CDH19: variants seen among roughly 807,000 people sequenced by gnomAD.
CDH19 encodes the protein cadherin-19.
In CDH19, 67 loss-of-function variants were observed where a neutral mutation model predicts 64.2. The ratio of observed to expected loss-of-function variants is 1.04; its 90% confidence interval spans 0.86 to 1.28. CDH19 has a LOEUF of 1.28. Among genes scored for constraint, CDH19 ranks in the 50% most tolerant of loss-of-function variants. The pLI, the probability that CDH19 is intolerant of heterozygous loss-of-function variation, is 0.00. For synonymous variants in CDH19, 346 were observed against 319.3 expected, an observed-to-expected ratio of 1.08 and a Z score of -0.89; for missense variants, 1,030 against 929.0, an observed-to-expected ratio of 1.11 and a Z score of -1.41.
intron 9 of CDH19, among the ~76,000 whole-genome samples, chr18:66,525,216 C>A (rs1407449626): frequency 6.6e-6 from 1 of 151,990 alleles, no homozygotes; most frequent in Non-Finnish European, 1.5e-5. Flanking sequence ...TTATGGTGAA[C>A]CTAATCAAAT....
rs2144532172 is a variant in CDH19 at position 66,557,152 on chromosome 18, T to C, written c.491-2628A>G. Among the ~76,000 whole-genome samples, 3 of 152,080 alleles carry C rather than the reference T, an allele frequency of 2.0e-5. No homozygotes were observed. In the South Asian group the frequency reaches 6.2e-4, roughly 31 times the overall value. ...AGACTTATTCACAATAGCAAAGACA[T>C]GGAAACAACTCTCATTTCTCTTGAT... On this transcript the variant is annotated intron_variant, in intron 3 of 11. Coordinates refer to ENST00000262150, the MANE Select transcript of CDH19 (RefSeq NM_021153.4).
Position 66,505,139 on chromosome 18 carries a change from T to C in CDH19, c.1992A>G (p.Ile664Met). 1 of 1,613,630 alleles carries C rather than the reference T, an allele frequency of 6.2e-7. No homozygotes were observed. Among genetic ancestry groups the C allele is most frequent in the Non-Finnish European group, 8.5e-7 (1 of 1,179,728 alleles). Residue 664 changes from isoleucine to methionine, a missense_variant, in exon 12 of 12, where the codon ATA becomes ATG. Ile to Met is a conservative substitution (Grantham distance 10, BLOSUM62 1). Transcript: ENST00000262150. ...TTTTCCGAGTCTTGCGTTCCCGCAT[T>C]ATGGTACTACTCCTCAGCTCTGCTA... is the stretch of plus-strand genomic sequence containing the variant. ...FDIAELRSST[I>M]MRERKTRKTT...
intron 4 of CDH19, among the ~76,000 whole-genome samples, chr18:66,552,037 T>C (rs1240061004): frequency 6.6e-6 from 1 of 151,828 alleles, no homozygotes; most frequent in Non-Finnish European, 1.5e-5. Flanking sequence ...ATGGAAACAA[T>C]AGACACTCAG....
chr18:66,535,070 C>G lies in CDH19; in HGVS notation c.1252G>C (p.Asp418His). The change falls in exon 8 of 12, where the codon GAT (aspartate) becomes CAT (histidine). Residue 418 changes from aspartate (D) to histidine (H), a missense_variant. Transcript: ENST00000262150. ...TTACTTGTAGTGATTGTACCATTAT[C>G]ATTGATATTGAACACTTTGCTCCTA... ...ITRSKVFNIN[D>H]NGTITTSNSL... is the part of the protein sequence containing the mutation. 1 of 1,507,730 alleles carries G rather than the reference C, an allele frequency of 6.6e-7. No individual in the cohort carries two copies. Among genetic ancestry groups the G allele is most frequent in the Non-Finnish European group, 9.0e-7 (1 of 1,109,066 alleles). 93.4% of individuals were successfully genotyped at this position (1,507,730 alleles called of 1,614,324 possible).
At chr18:66,582,209 C>G (rs944052126) in intron 1 of CDH19, among the ~76,000 whole-genome samples, 1 of 151,904 alleles carries the variant, frequency 6.6e-6, no homozygotes, top group Admixed American at 6.6e-5. Context: ...TATAATTTTT[C>G]CCCTTGTTCT....
rs2144474617 is a variant in CDH19 at position 66,541,546 on chromosome 18, G to A, written c.1214+2425C>T. ...TGTGCTGAAGTGGGTATTTTCATAA[G>A]CAACTGATTTTGTTTTTATGATGTA... On this transcript the variant is annotated intron_variant, in intron 7 of 11. Coordinates refer to ENST00000262150, the MANE Select transcript of CDH19 (RefSeq NM_021153.4). Among the ~76,000 whole-genome samples the A allele has an allele frequency of 2.0e-5, 3 of 152,102 alleles. 1 individual carries two copies. In the Middle Eastern group the frequency reaches 0.01, roughly 517 times the overall value.
rs554059011 is a variant in CDH19, at chr18:66,507,250, A to G, written c.1828+1745T>C. 2.0e-5 allele frequency among the ~76,000 whole-genome samples: 3 copies of G among 151,488 alleles called. No homozygotes were observed. The South Asian group carries it at 6.3e-4, about 32-fold the overall frequency. ...AAGATCATTAAAAATAATTTTAAAA[A>G]CTGAAGCTAGGTCCTAAACAATTGT... On this transcript the variant is annotated intron_variant, in intron 11 of 11. Coordinates refer to ENST00000262150, the MANE Select transcript of CDH19 (RefSeq NM_021153.4).
chr18:66,578,932 A>T (rs1040910569), intron 1 of CDH19, among the ~76,000 whole-genome samples: 1 of 151,978 alleles, frequency 6.6e-6, no homozygotes, highest in Admixed American at 6.6e-5. Context: ...AGAAAATTTA[A>T]AACAATCATA....
At chr18:66,555,181 G>T (rs1365862457) in intron 3 of CDH19, among the ~76,000 whole-genome samples, 1 of 151,668 alleles carries the variant, frequency 6.6e-6, no homozygotes, top group Non-Finnish European at 1.5e-5. Context: ...TAAAATTAGT[G>T]CTCAGATTTT....
At chr18:66,570,415 A>G (rs1019152732) in intron 2 of CDH19, among the ~76,000 whole-genome samples, 7 of 151,668 alleles carry the variant, frequency 4.6e-5, no homozygotes, top group African/African-American at 1.7e-4. Flanking sequence ...AGTATTATAC[A>G]ATTTTCTATA....
intron 3 of CDH19, among the ~76,000 whole-genome samples, chr18:66,555,902 A>G (rs1756008755): frequency 6.6e-6 from 1 of 151,752 alleles, no homozygotes; most frequent in African/African-American, 2.4e-5. Context: ...CCTGGTTTCT[A>G]GAATTATATT....
chr18:66,559,880 A>C (rs2144542221), intron 3 of CDH19, among the ~76,000 whole-genome samples: 1 of 152,098 alleles, frequency 6.6e-6, no homozygotes, highest in East Asian at 1.9e-4. Flanking sequence ...ACTTAAAAAT[A>C]AAAAAATACA....
chr18:66,502,200 C>A lies in CDH19; in HGVS notation c.*2612G>T, dbSNP rs1482028037. On this transcript the variant is annotated 3_prime_UTR_variant, in exon 12 of 12. Transcript: ENST00000262150. ...TATAATTCCTAGGAAGTTGCACCTT[C>A]TGTATTAGAATCAGATAGTATCTTT... is the stretch of plus-strand genomic sequence containing the variant. 1 of 151,984 alleles carries A rather than the reference C, an allele frequency of 6.6e-6. No individual in the cohort carries two copies. The highest frequency in any genetic ancestry group is 2.4e-5 in the African/African-American group (1 of 41,436). 9.4% of individuals were successfully genotyped at this position (151,984 alleles called of 1,614,324 possible). A position where few individuals can be genotyped will look rare whatever the true frequency, so the allele number is the denominator to read the frequency against.
chr18:66,541,301 C>G (rs1343829198), intron 7 of CDH19, among the ~76,000 whole-genome samples: 2 of 152,002 alleles, frequency 1.3e-5, no homozygotes, highest in Admixed American at 6.6e-5. Flanking sequence ...TAGTGTTTCT[C>G]CCACAACAAT....
chr18:66,539,265 T>C (rs1438254090), intron 7 of CDH19, among the ~76,000 whole-genome samples: 1 of 152,152 alleles, frequency 6.6e-6, no homozygotes, highest in Non-Finnish European at 1.5e-5. Flanking sequence ...TGTTTTTATT[T>C]CTTTTTCTCA....
At chr18:66,537,377 A>G (rs1214342734) in intron 7 of CDH19, among the ~76,000 whole-genome samples, 1 of 151,880 alleles carries the variant, frequency 6.6e-6, no homozygotes, top group East Asian at 1.9e-4. Flanking sequence ...AAGGTTACAT[A>G]TTTTTGGCAG....
chr18:66,542,617 C>T (rs1365145398), intron 7 of CDH19, among the ~76,000 whole-genome samples: 1 of 152,176 alleles, frequency 6.6e-6, no homozygotes, highest in African/African-American at 2.4e-5. Flanking sequence ...ACCCTTTGAA[C>T]TCCTTTAAGT....
intron 9 of CDH19, among the ~76,000 whole-genome samples, chr18:66,513,131 A>T (rs1387962502): frequency 6.6e-6 from 1 of 151,472 alleles, no homozygotes; most frequent in Non-Finnish European, 1.5e-5. Flanking sequence ...TCTTGCTGGC[A>T]TATGTGGCTA....
At chr18:66,542,696 C>T (rs1023506907) in intron 7 of CDH19, among the ~76,000 whole-genome samples, 9 of 151,986 alleles carry the variant, frequency 5.9e-5, no homozygotes, top group Non-Finnish European at 1.0e-4. Context: ...CTGTCCATGG[C>T]CTGTAGGTGA....
Sources: gnomAD v4.1 joint callset for allele counts (sites outside exome capture counted in the v4.1 genomes callset) on GRCh38, gnomAD v4.1.1 for gene constraint, MANE v1.5 for transcripts, NCBI Gene and HGNC (gene_info 2026-07-23, HGNC 2026-07-21) for gene names.